Variants in MDGA2 observed in about 807,000 individuals in gnomAD.
MDGA2 encodes the protein MAM domain-containing glycosylphosphatidylinositol anchor protein 2.
A neutral mutation model predicts 117.8 loss-of-function variants in MDGA2; 40 were observed. That is an observed-to-expected ratio of 0.34 (90% CI 0.26 to 0.44). MDGA2 has a LOEUF of 0.44. Ranked by LOEUF, MDGA2 falls within the 20% of genes least tolerant of loss-of-function variation. MDGA2 has a pLI of 1.00. For synonymous variants in MDGA2, 452 were observed against 439.0 expected, an observed-to-expected ratio of 1.03 and a Z score of -0.37; for missense variants, 1,123 against 1,250.6, an observed-to-expected ratio of 0.90 and a Z score of 1.54.
chr14:47,182,440 TAAG>T (rs1884745948), intron 3 of MDGA2, among the ~76,000 whole-genome samples: 1 of 151,920 alleles, frequency 6.6e-6, no homozygotes, highest in African/African-American at 2.4e-5. Flanking sequence ...GGGATCCTCA[TAAG>T]AAGAGGAAGA....
intron 1 of MDGA2, among the ~76,000 whole-genome samples, chr14:47,545,771 T>C (rs1225569298): frequency 7.9e-5 from 12 of 152,116 alleles, no homozygotes; most frequent in Non-Finnish European, 1.3e-4. Context: ...AGCAGTCTCA[T>C]GTACAGTGGT....
At chr14:47,217,623 A>G (rs766128288) in intron 3 of MDGA2, among the ~76,000 whole-genome samples, 26 of 152,058 alleles carry the variant, frequency 1.7e-4, no homozygotes, top group Non-Finnish European at 2.8e-4. Context: ...GAATAGCTGT[A>G]TTCACATGTA....
chr14:47,074,816 C>A (rs1399130657), intron 6 of MDGA2, among the ~76,000 whole-genome samples: 1 of 152,180 alleles, frequency 6.6e-6, no homozygotes, highest in Non-Finnish European at 1.5e-5. Flanking sequence ...CATCCATAGT[C>A]TGTATCTCAG....
At chr14:47,167,442 T>C (rs1320496634) in intron 3 of MDGA2, among the ~76,000 whole-genome samples, 1 of 151,996 alleles carries the variant, frequency 6.6e-6, no homozygotes, top group African/African-American at 2.4e-5. Context: ...GTGAAAAACA[T>C]AAAGCATGTG....
chr14:47,221,396 G>A (rs556043910), intron 2 of MDGA2, among the ~76,000 whole-genome samples: 3 of 152,288 alleles, frequency 2.0e-5, no homozygotes, highest in Admixed American at 1.3e-4. Context: ...AAGGAAAAAT[G>A]AGATAAAGAG....
chr14:47,167,183 G>T (rs117663423), intron 3 of MDGA2, among the ~76,000 whole-genome samples: 2,140 of 150,416 alleles, frequency 0.014, 38 homozygotes, highest in South Asian at 0.066. Context: ...TTTTTTTTTG[G>T]TCCAGACTAT....
At chr14:46,979,113 A>G (rs918352239) in intron 8 of MDGA2, among the ~76,000 whole-genome samples, 13 of 152,138 alleles carry the variant, frequency 8.5e-5, no homozygotes, top group African/African-American at 2.9e-4. Context: ...CATTCTTAAA[A>G]TATTTCCAAC....
chr14:47,499,831 A>G (rs1199639315), intron 1 of MDGA2, among the ~76,000 whole-genome samples: 1 of 152,110 alleles, frequency 6.6e-6, no homozygotes. Flanking sequence ...TTCATTTTCA[A>G]TCGGATCTAA....
intron 10 of MDGA2, among the ~76,000 whole-genome samples, chr14:46,908,321 CCT>C (rs1286834983): frequency 6.6e-6 from 1 of 152,078 alleles, no homozygotes; most frequent in Non-Finnish European, 1.5e-5. Context: ...TCTTCTGCCA[CCT>C]CTCTCTTAGC....
intron 2 of MDGA2, among the ~76,000 whole-genome samples, chr14:47,262,139 CAA>C (rs1374955709): frequency 6.6e-6 from 1 of 152,094 alleles, no homozygotes; most frequent in African/African-American, 2.4e-5. Context: ...CTCAGAAATG[CAA>C]AAGACTTTTT....
intron 2 of MDGA2, among the ~76,000 whole-genome samples, chr14:47,232,883 G>A (rs910340047): frequency 2.6e-5 from 4 of 152,160 alleles, no homozygotes; most frequent in Non-Finnish European, 2.9e-5. Flanking sequence ...GGAGGGCATT[G>A]GTAACTAAAG....
intron 7 of MDGA2, among the ~76,000 whole-genome samples, chr14:47,043,283 AC>A (rs1324276144): frequency 6.6e-6 from 1 of 152,104 alleles, no homozygotes; most frequent in Non-Finnish European, 1.5e-5. Context: ...AGGTGGCTAA[AC>A]TACAGCTCAT....
chr14:47,097,272 A>C (rs10140596), intron 5 of MDGA2, 149 bp from the exon 6 acceptor site: 4 of 716,624 alleles, frequency 5.6e-6, no homozygotes, highest in Non-Finnish European at 9.1e-6. Context: ...AAATTTAAAC[A>C]AGATTTAATG....
chr14:47,110,529 A>G (rs2139052731), intron 5 of MDGA2, among the ~76,000 whole-genome samples: 1 of 152,316 alleles, frequency 6.6e-6, no homozygotes, highest in Non-Finnish European at 1.5e-5. Context: ...GAAAAAGATT[A>G]GTTTTCTTTT....
intron 8 of MDGA2, among the ~76,000 whole-genome samples, chr14:46,969,220 G>A (rs934147980): frequency 6.6e-6 from 1 of 152,184 alleles, no homozygotes; most frequent in Non-Finnish European, 1.5e-5. Flanking sequence ...GCATGTGCAT[G>A]TGTCTTTATA....
intron 1 of MDGA2, among the ~76,000 whole-genome samples, chr14:47,662,437 T>C (rs190591326): frequency 6.6e-6 from 1 of 152,300 alleles, no homozygotes; most frequent in Admixed American, 6.5e-5. Context: ...TAGCTCTCTC[T>C]GGAAGAGGGA....
chr14:46,886,473 A>G (rs1320046468), intron 10 of MDGA2, among the ~76,000 whole-genome samples: 1 of 152,122 alleles, frequency 6.6e-6, no homozygotes, highest in East Asian at 1.9e-4. Context: ...TTAAAGAATA[A>G]AGAAATGAAG....
chr14:47,101,086 T>TAGAG (rs1402200947), intron 5 of MDGA2, among the ~76,000 whole-genome samples: 9 of 105,926 alleles, frequency 8.5e-5, no homozygotes, highest in African/African-American at 3.5e-4. Flanking sequence ...GATAGATAGA[T>TAGAG]AGATAGATAG....
chr14:46,912,644 C>T (rs528459856), intron 10 of MDGA2, among the ~76,000 whole-genome samples: 6 of 152,202 alleles, frequency 3.9e-5, no homozygotes, highest in Non-Finnish European at 5.9e-5. Flanking sequence ...GTTTCCTCCA[C>T]GTTTCTAATT....
Sources: allele counts gnomAD v4.1 joint callset (sites outside exome capture counted in the v4.1 genomes callset), GRCh38; gene constraint gnomAD v4.1.1; transcripts MANE v1.5; gene names NCBI Gene and HGNC (gene_info 2026-07-23, HGNC 2026-07-21).